ADGRL3: variants seen among roughly 807,000 people sequenced by gnomAD.
The protein encoded by ADGRL3 is calcium-independent alpha-latrotoxin receptor 3.
Under a neutral mutation model 153.5 loss-of-function variants are expected in ADGRL3, and 62 were observed. The ratio of observed to expected loss-of-function variants is 0.40; its 90% CI spans 0.33 to 0.50. The LOEUF (loss-of-function observed/expected upper bound fraction) is 0.50. Among genes scored for constraint, ADGRL3 ranks in the 20% least tolerant of loss-of-function variants. ADGRL3 has a pLI of 0.47. For missense variants in ADGRL3, 1,641 were observed against 1,859.4 expected, an observed-to-expected ratio of 0.88 and a Z score of 2.16; for synonymous variants, 710 against 672.5, an observed-to-expected ratio of 1.06 and a Z score of -0.86.
chr4:61,430,248 A>G (rs905502138), intron 2 of ADGRL3, among the ~76,000 whole-genome samples: 2 of 152,134 alleles, frequency 1.3e-5, no homozygotes, highest in African/African-American at 4.8e-5. Context: ...GAATCAACCA[A>G]CCTTGTCAAA....
chr4:61,915,004 C>A (rs1239757530), intron 13 of ADGRL3, among the ~76,000 whole-genome samples: 1 of 151,920 alleles, frequency 6.6e-6, no homozygotes, highest in Non-Finnish European at 1.5e-5. Context: ...TTATTTTATT[C>A]TTGCGCATTT....
intron 17 of ADGRL3, among the ~76,000 whole-genome samples, chr4:61,978,339 A>C (rs76583511): frequency 0.074 from 236 of 3,176 alleles, 1 homozygote; most frequent in African/African-American, 0.12. Context: ...CTTGCTTTTT[A>C]AAAAAAAAAT....
intron 4 of ADGRL3, among the ~76,000 whole-genome samples, chr4:61,535,889 A>G (rs918028334): frequency 4.0e-5 from 6 of 151,866 alleles, no homozygotes; most frequent in African/African-American, 1.5e-4. Flanking sequence ...TTTTAGGCTC[A>G]ATTTTATTTA....
intron 19 of ADGRL3, among the ~76,000 whole-genome samples, chr4:61,985,796 G>A (rs2099083239): frequency 6.6e-6 from 1 of 151,722 alleles, no homozygotes; most frequent in African/African-American, 2.4e-5. Context: ...AAAACCATTT[G>A]TCTAAATATG....
chr4:61,486,239 C>T (rs1276224953), intron 2 of ADGRL3, among the ~76,000 whole-genome samples: 2 of 152,042 alleles, frequency 1.3e-5, no homozygotes, highest in East Asian at 1.9e-4. Flanking sequence ...CCACCATACC[C>T]GGCTATGGAA....
chr4:61,907,274 T>C (rs2098700393), intron 11 of ADGRL3, among the ~76,000 whole-genome samples: 1 of 152,048 alleles, frequency 6.6e-6, no homozygotes, highest in South Asian at 2.1e-4. Context: ...AGTTAGTTAG[T>C]TTTTGAGACA....
chr4:61,861,765 T>C (rs1173770503), intron 9 of ADGRL3, among the ~76,000 whole-genome samples: 1 of 152,072 alleles, frequency 6.6e-6, no homozygotes, highest in Non-Finnish European at 1.5e-5. Context: ...GATTTGAAGA[T>C]TGGAGGTGAC....
At chr4:61,765,149 T>C (rs375553353) in intron 8 of ADGRL3, among the ~76,000 whole-genome samples, 1 of 151,830 alleles carries the variant, frequency 6.6e-6, no homozygotes, top group African/African-American at 2.4e-5. Flanking sequence ...GAGATATCAG[T>C]TGTGATGGCT....
chr4:61,499,987 G>GACACACAC (rs34740052), intron 3 of ADGRL3, among the ~76,000 whole-genome samples: 23 of 138,958 alleles, frequency 1.7e-4, no homozygotes, highest in African/African-American at 5.7e-4. Flanking sequence ...CACACACACA[G>GACACACAC]ACACACACAC....
At chr4:61,758,694 T>A (rs916446389) in intron 8 of ADGRL3, among the ~76,000 whole-genome samples, 1 of 152,212 alleles carries the variant, frequency 6.6e-6, no homozygotes, top group Non-Finnish European at 1.5e-5. Flanking sequence ...AGGTTAATAT[T>A]GTTATGTGTG....
chr4:61,774,579 A>G (rs2097125945), intron 8 of ADGRL3, among the ~76,000 whole-genome samples: 1 of 152,080 alleles, frequency 6.6e-6, no homozygotes, highest in Non-Finnish European at 1.5e-5. Flanking sequence ...ATTTTATATC[A>G]GGGACTTAAG....
At chr4:61,852,370 C>T (rs945808778) in intron 9 of ADGRL3, among the ~76,000 whole-genome samples, 4 of 151,290 alleles carry the variant, frequency 2.6e-5, no homozygotes, top group African/African-American at 7.3e-5. Context: ...GCTGGAGTGC[C>T]GTGGCACAGT....
At chr4:61,347,644 T>C (rs1463768720) in intron 1 of ADGRL3, among the ~76,000 whole-genome samples, 1 of 150,564 alleles carries the variant, frequency 6.6e-6, no homozygotes, top group Non-Finnish European at 1.5e-5. Flanking sequence ...TTTTATTAAG[T>C]TGGACCCTAG....
At chr4:61,787,383 G>A (rs1172704305) in intron 8 of ADGRL3, among the ~76,000 whole-genome samples, 1 of 151,152 alleles carries the variant, frequency 6.6e-6, no homozygotes, top group Non-Finnish European at 1.5e-5. Flanking sequence ...AAAAGCATAG[G>A]TACATATATG....
chr4:61,262,891 A>T (rs1239188715), intron 1 of ADGRL3, among the ~76,000 whole-genome samples: 1 of 152,114 alleles, frequency 6.6e-6, no homozygotes, highest in Non-Finnish European at 1.5e-5. Flanking sequence ...CAACCAGAGA[A>T]GGATATATCT....
intron 1 of ADGRL3, among the ~76,000 whole-genome samples, chr4:61,330,138 T>C (rs1324734763): frequency 6.6e-6 from 1 of 152,226 alleles, no homozygotes; most frequent in Admixed American, 6.5e-5. Context: ...TATTTCCCAA[T>C]TTCAAGGACA....
At chr4:61,430,237 A>G (rs1031112002) in intron 2 of ADGRL3, among the ~76,000 whole-genome samples, 1 of 152,178 alleles carries the variant, frequency 6.6e-6, no homozygotes. Context: ...GGATTGGAAG[A>G]GAATCAACCA....
At chr4:61,497,741 G>C (rs1297900952) in intron 3 of ADGRL3, among the ~76,000 whole-genome samples, 6 of 151,036 alleles carry the variant, frequency 4.0e-5, no homozygotes, top group Non-Finnish European at 7.4e-5. Flanking sequence ...AGCCAGGATG[G>C]TCTCGATTTC....
chr4:61,500,225 T>C (rs970841890), intron 3 of ADGRL3, among the ~76,000 whole-genome samples: 41 of 152,310 alleles, frequency 2.7e-4, no homozygotes, highest in African/African-American at 9.1e-4. Context: ...TTTTGAACCA[T>C]AGAGGACAAA....
Sources: allele counts gnomAD v4.1 joint callset (sites outside exome capture counted in the v4.1 genomes callset), GRCh38; gene constraint gnomAD v4.1.1; transcripts MANE v1.5; gene names NCBI Gene and HGNC (gene_info 2026-07-23, HGNC 2026-07-21).